PLEKHA7: variants seen among roughly 807,000 people sequenced by gnomAD.
The protein encoded by PLEKHA7 is pleckstrin homology domain containing A7, also known as pleckstrin homology domain-containing family A member 7.
In PLEKHA7, 104 loss-of-function variants were observed where a neutral mutation model predicts 170.0. The observed-to-expected ratio is 0.61, with a 90% confidence interval of 0.52 to 0.72. The LOEUF (loss-of-function observed/expected upper bound fraction) is 0.72, where lower values mean the gene tolerates loss of function less well. Ranked by LOEUF, PLEKHA7 falls within the 30% of genes least tolerant of loss-of-function variation. The pLI, the probability that PLEKHA7 is intolerant of heterozygous loss-of-function variation, is 0.00. For missense variants in PLEKHA7, 1,615 were observed against 1,671.7 expected (o/e 0.97, Z 0.59); for synonymous variants, 648 against 660.8 (o/e 0.98, Z 0.30).
intron 3 of PLEKHA7, among the ~76,000 whole-genome samples, chr11:17,013,539 G>A (rs6486341): frequency 0.63 from 96,173 of 151,686 alleles, 31,110 homozygotes; most frequent in East Asian, 0.96. Flanking sequence ...GTCCTCCTAA[G>A]CGAGATTCCC....
At chr11:16,858,955 G>A (rs1853705609) in intron 4 of PLEKHA7, among the ~76,000 whole-genome samples, 1 of 152,132 alleles carries the variant, frequency 6.6e-6, no homozygotes. Context: ...GGGCAGTGAG[G>A]GGCAAGGAGT....
At chr11:16,897,918 A>G (rs994295517) in intron 3 of PLEKHA7, among the ~76,000 whole-genome samples, 1 of 152,174 alleles carries the variant, frequency 6.6e-6, no homozygotes, top group Non-Finnish European at 1.5e-5. Flanking sequence ...CTGGGTGGCA[A>G]TCACTACCCA....
At chr11:16,982,535 G>C (rs1863490819) in intron 3 of PLEKHA7, among the ~76,000 whole-genome samples, 2 of 152,188 alleles carry the variant, frequency 1.3e-5, no homozygotes, top group Admixed American at 6.5e-5. Flanking sequence ...GTTTAATCAG[G>C]AACCCTAGAC....
At chr11:16,914,383 A>G (rs1165227848) in intron 3 of PLEKHA7, among the ~76,000 whole-genome samples, 2 of 152,226 alleles carry the variant, frequency 1.3e-5, no homozygotes, top group Admixed American at 6.5e-5. Flanking sequence ...CGGCACAGCC[A>G]TTATTCCCAG....
chr11:16,916,198 G>T (rs1340512234), intron 3 of PLEKHA7, among the ~76,000 whole-genome samples: 1 of 152,200 alleles, frequency 6.6e-6, no homozygotes, highest in Non-Finnish European at 1.5e-5. Flanking sequence ...TCGCCCACTT[G>T]TTAATGGGGT....
intron 3 of PLEKHA7, among the ~76,000 whole-genome samples, chr11:17,009,208 C>G (rs1865182629): frequency 6.6e-6 from 1 of 152,190 alleles, no homozygotes; most frequent in South Asian, 2.1e-4. Flanking sequence ...AGTCCCAGCT[C>G]TAACACTTCA....
At chr11:16,824,172 A>G (rs1314339496) in intron 10 of PLEKHA7, among the ~76,000 whole-genome samples, 1 of 152,208 alleles carries the variant, frequency 6.6e-6, no homozygotes, top group East Asian at 1.9e-4. Flanking sequence ...AGATAGAATC[A>G]ATAAGAGCTA....
At chr11:16,970,422 G>C (rs1343978159) in intron 3 of PLEKHA7, among the ~76,000 whole-genome samples, 1 of 152,156 alleles carries the variant, frequency 6.6e-6, no homozygotes, top group Non-Finnish European at 1.5e-5. Flanking sequence ...ACTTTGGAAG[G>C]CTGAGGCAGG....
chr11:16,898,380 C>G (rs1311737137), intron 3 of PLEKHA7, among the ~76,000 whole-genome samples: 3 of 152,092 alleles, frequency 2.0e-5, no homozygotes, highest in Non-Finnish European at 4.4e-5. Flanking sequence ...TGAGACAGCC[C>G]AAGATTAGAT....
At chr11:16,873,475 C>T (rs1855029865) in intron 3 of PLEKHA7, among the ~76,000 whole-genome samples, 1 of 152,140 alleles carries the variant, frequency 6.6e-6, no homozygotes. Flanking sequence ...CTCTGAATTC[C>T]CTGCTCCTGG....
intron 3 of PLEKHA7, among the ~76,000 whole-genome samples, chr11:16,931,897 T>C (rs1446537046): frequency 2.6e-5 from 4 of 151,660 alleles, no homozygotes; most frequent in African/African-American, 7.3e-5. Flanking sequence ...AAGAGGAAAA[T>C]ACAAGTAAAG....
intron 3 of PLEKHA7, among the ~76,000 whole-genome samples, chr11:16,914,318 G>GA (rs926526537): frequency 4.0e-5 from 6 of 151,176 alleles, no homozygotes; most frequent in Admixed American, 1.3e-4. Flanking sequence ...TTTAAAGTGG[G>GA]AAAAAAAAAT....
At chr11:16,862,918 C>T (rs1854083830) in intron 4 of PLEKHA7, among the ~76,000 whole-genome samples, 1 of 151,828 alleles carries the variant, frequency 6.6e-6, no homozygotes. Context: ...TAGCCCAAGA[C>T]TGCCAGCATC....
chr11:16,905,663 AGGG>A (rs1481839948), intron 3 of PLEKHA7, among the ~76,000 whole-genome samples: 1 of 152,152 alleles, frequency 6.6e-6, no homozygotes, highest in Non-Finnish European at 1.5e-5. Flanking sequence ...ATGACTGGAG[AGGG>A]AGATCAGTTT....
At position 16,794,886 on chromosome 11, in the gene PLEKHA7, C is replaced by A. The variant is rs751177357; in HGVS notation, c.2518+24G>T. 3 of 1,570,104 alleles carry A rather than the reference C, an allele frequency of 1.9e-6. No individual in the cohort carries two copies. In the Admixed American group the frequency reaches 5.0e-5, roughly 26 times the overall value. On this transcript the variant is annotated intron_variant, in intron 18 of 26. Transcript: ENST00000531066. ...ACCCTGCCCCCAATCAGATCCCCCA[C>A]ATCCAGGAAGATGAACATCTCACCC...
chr11:16,911,938 G>A (rs769042685), intron 3 of PLEKHA7, among the ~76,000 whole-genome samples: 21 of 152,078 alleles, frequency 1.4e-4, no homozygotes, highest in Non-Finnish European at 2.6e-4. Context: ...CACAGCCAGA[G>A]CACACCCTGG....
At chr11:16,914,530 C>G (rs1347474477) in intron 3 of PLEKHA7, among the ~76,000 whole-genome samples, 1 of 152,208 alleles carries the variant, frequency 6.6e-6, no homozygotes, top group Non-Finnish European at 1.5e-5. Flanking sequence ...GGTCTTCCCC[C>G]TCAATAATTC....
chr11:16,882,931 A>C (rs1250493912), intron 3 of PLEKHA7, among the ~76,000 whole-genome samples: 3 of 152,158 alleles, frequency 2.0e-5, no homozygotes, highest in Non-Finnish European at 4.4e-5. Flanking sequence ...AAGCAGACCT[A>C]CTTGCTATGT....
chr11:16,818,010 G>A (rs1008033291), intron 10 of PLEKHA7, among the ~76,000 whole-genome samples: 33 of 152,060 alleles, frequency 2.2e-4, no homozygotes, highest in African/African-American at 7.2e-4. Context: ...CTCTTCCTAC[G>A]GGCCACGCCA....
Sources: allele counts gnomAD v4.1 joint callset (sites outside exome capture counted in the v4.1 genomes callset), GRCh38; gene constraint gnomAD v4.1.1; transcripts MANE v1.5; gene names NCBI Gene and HGNC (gene_info 2026-07-23, HGNC 2026-07-21).